The following CTNNA2 variants were observed in gnomAD, a reference collection of about 807,000 sequenced individuals.
CTNNA2 encodes catenin alpha 2.
Under a neutral mutation model 101.0 loss-of-function variants are expected in CTNNA2, and 42 were observed. The ratio of observed to expected loss-of-function variants is 0.42; its 90% CI spans 0.32 to 0.54. The LOEUF (loss-of-function observed/expected upper bound fraction) is 0.54, where lower values mean the gene tolerates loss of function less well. Ranked by LOEUF, CTNNA2 falls within the 20% of genes least tolerant of loss-of-function variation. The probability of loss-of-function intolerance (pLI) is 0.14; values close to 1 mark genes in which losing one functional copy is unlikely to be tolerated. For synonymous variants in CTNNA2, 450 were observed against 456.4 expected (o/e 0.99, Z 0.18); for missense variants, 871 against 1,223.1 (o/e 0.71, Z 4.29).
At chr2:79,573,708 A>G (rs1675611269) in intron 1 of CTNNA2, 1 of 152,258 alleles carries the variant, frequency 6.6e-6, no homozygotes, top group African/African-American at 2.4e-5. Context: ...TATTTTGTGT[A>G]TAACTATATA....
In CTNNA2 at chr2:79,552,501, G is replaced by T. The variant is rs553078677; in HGVS notation, c.-6+39294G>T. On this transcript the variant is annotated intron_variant, in intron 1 of 18. Coordinates refer to ENST00000402739, the MANE Select transcript of CTNNA2 (RefSeq NM_001282597.3). ...CAGCTCCACTAGGCAGTTCCCCAGT[G>T]GGGACTCTGTGTAGGGGCTCCAGCC... 2.6e-4 allele frequency among the ~76,000 whole-genome samples: 40 copies of T among 152,264 alleles called. No individual in the cohort carries two copies. In the South Asian group the frequency reaches 8.3e-3, roughly 32 times the overall value.
At chr2:80,592,982 C>A (rs957594008) in intron 15 of CTNNA2, among the ~76,000 whole-genome samples, 2 of 152,090 alleles carry the variant, frequency 1.3e-5, no homozygotes, top group African/African-American at 2.4e-5. Context: ...ACGGGAAAGA[C>A]TCCAGATACT....
chr2:80,024,419 A>G (rs1694801923), intron 7 of CTNNA2, among the ~76,000 whole-genome samples: 1 of 152,204 alleles, frequency 6.6e-6, no homozygotes. Context: ...CTAGCTAGGT[A>G]GAGAAGGAGT....
intron 2 of CTNNA2, among the ~76,000 whole-genome samples, chr2:79,296,372 G>A (rs1331569151): frequency 2.0e-5 from 3 of 152,216 alleles, no homozygotes; most frequent in Non-Finnish European, 2.9e-5. Flanking sequence ...CATACATTAT[G>A]CTTCAGGAAA....
chr2:80,646,585 C>G lies in CTNNA2; in HGVS notation c.2575-1000C>G, dbSNP rs576609355. Among the ~76,000 whole-genome samples the G allele has an allele frequency of 2.0e-5, 3 of 151,674 alleles. No homozygotes were observed. The East Asian group carries it at 5.8e-4, about 29-fold the overall frequency. On this transcript the variant is annotated intron_variant, in intron 18 of 18. Coordinates refer to ENST00000402739, the MANE Select transcript of CTNNA2 (RefSeq NM_001282597.3). ...CATTGGTTGGGCTATAACATTGAGACATAACCCCAGCATCTGTGATGCAGG... is the reference window on the plus strand; with the variant it reads ...CATTGGTTGGGCTATAACATTGAGAGATAACCCCAGCATCTGTGATGCAGG...
chr2:80,241,789 G>C (rs1558934401), intron 7 of CTNNA2, among the ~76,000 whole-genome samples: 1 of 152,100 alleles, frequency 6.6e-6, no homozygotes, highest in Non-Finnish European at 1.5e-5. Flanking sequence ...TAAGGATAAG[G>C]TTAACTTTGC....
chr2:80,381,806 A>C (rs1676540600), intron 7 of CTNNA2, among the ~76,000 whole-genome samples: 1 of 152,162 alleles, frequency 6.6e-6, no homozygotes, highest in South Asian at 2.1e-4. Context: ...TTGTTCCATT[A>C]AGGGTTCTCA....
At chr2:79,801,403 GT>G (rs1321983086) in intron 3 of CTNNA2, among the ~76,000 whole-genome samples, 14 of 152,298 alleles carry the variant, frequency 9.2e-5, no homozygotes, top group African/African-American at 3.4e-4. Context: ...GATCGTTTAT[GT>G]GCTAATTAAA....
chr2:80,448,769 C>G (rs916364066), intron 9 of CTNNA2, among the ~76,000 whole-genome samples: 11 of 152,000 alleles, frequency 7.2e-5, no homozygotes, highest in Non-Finnish European at 1.3e-4. Context: ...ATCCCAGGAG[C>G]CTGTATGTTA....
intron 11 of CTNNA2, among the ~76,000 whole-genome samples, chr2:80,551,301 A>T (rs941312716): frequency 6.6e-6 from 1 of 152,186 alleles, no homozygotes; most frequent in Non-Finnish European, 1.5e-5. Context: ...CATAACTCTT[A>T]GGGCCCTGGG....
intron 4 of CTNNA2, among the ~76,000 whole-genome samples, chr2:79,421,551 C>T (rs1450761844): frequency 6.6e-6 from 1 of 152,100 alleles, no homozygotes; most frequent in African/African-American, 2.4e-5. Context: ...ATGGCTAATA[C>T]CTTGATGACC....
At chr2:80,197,360 G>A (rs373447403) in intron 7 of CTNNA2, among the ~76,000 whole-genome samples, 9 of 151,730 alleles carry the variant, frequency 5.9e-5, no homozygotes, top group Non-Finnish European at 1.2e-4. Flanking sequence ...ATAATGTATC[G>A]CTTCTTTCCC....
At chr2:80,360,312 C>T (rs1257610617) in intron 7 of CTNNA2, among the ~76,000 whole-genome samples, 10 of 151,922 alleles carry the variant, frequency 6.6e-5, no homozygotes, top group Non-Finnish European at 1.3e-4. Flanking sequence ...TATGACACAC[C>T]GTATATTTTT....
intron 7 of CTNNA2, among the ~76,000 whole-genome samples, chr2:80,315,998 C>T (rs1291529672): frequency 6.6e-6 from 1 of 152,176 alleles, no homozygotes; most frequent in African/African-American, 2.4e-5. Context: ...CCAAGTGATT[C>T]ATAAGCCCGC....
intron 6 of CTNNA2, among the ~76,000 whole-genome samples, chr2:79,903,683 C>T (rs1189178826): frequency 6.6e-6 from 1 of 152,078 alleles, no homozygotes; most frequent in Non-Finnish European, 1.5e-5. Context: ...GGGACAAACA[C>T]CTTTGAAAGG....
At chr2:80,523,519 C>T (rs918374961) in intron 9 of CTNNA2, among the ~76,000 whole-genome samples, 1 of 152,196 alleles carries the variant, frequency 6.6e-6, no homozygotes, top group African/African-American at 2.4e-5. Flanking sequence ...TACGACAATT[C>T]CTACTGCTGA....
intron 2 of CTNNA2, among the ~76,000 whole-genome samples, chr2:79,292,241 G>C (rs4349372): frequency 0.23 from 35,192 of 152,058 alleles, 4,586 homozygotes; most frequent in African/African-American, 0.35. Context: ...AGCAGTGTTG[G>C]CTGTGGCAGT....
intron 3 of CTNNA2, among the ~76,000 whole-genome samples, chr2:79,777,386 GTATATTCA>G (rs1674059849): frequency 6.7e-6 from 1 of 148,942 alleles, no homozygotes; most frequent in African/African-American, 2.5e-5. Flanking sequence ...TCTGTACTGT[GTATATTCA>G]TTTGCATTCC....
At chr2:79,908,144 A>G (rs1165861570) in intron 6 of CTNNA2, among the ~76,000 whole-genome samples, 1 of 152,208 alleles carries the variant, frequency 6.6e-6, no homozygotes, top group Non-Finnish European at 1.5e-5. Context: ...AAAAATCCAT[A>G]AAAGCATCTT....
Sources: allele counts gnomAD v4.1 joint callset (sites outside exome capture counted in the v4.1 genomes callset), GRCh38; gene constraint gnomAD v4.1.1; transcripts MANE v1.5; gene names NCBI Gene and HGNC (gene_info 2026-07-23, HGNC 2026-07-21).